The following PRIMA1 variants were observed in gnomAD, a reference collection of about 807,000 sequenced individuals.
PRIMA1 encodes the protein proline-rich membrane anchor 1.
PRIMA1 carries 7 observed loss-of-function variants against 17.5 expected under a neutral mutation model. That is an observed-to-expected ratio of 0.40 (90% confidence interval 0.23 to 0.75). PRIMA1 has a LOEUF of 0.75. Among genes scored for constraint, PRIMA1 ranks in the 30% least tolerant of loss-of-function variants. The pLI, the probability that PRIMA1 is intolerant of heterozygous loss-of-function variation, is 0.37. For synonymous variants in PRIMA1, 97 were observed against 77.9 expected (o/e 1.25, Z -1.29); for missense variants, 200 against 201.8 (o/e 0.99, Z 0.05).
At chr14:93,781,311 G>A (rs1044133515) in intron 2 of PRIMA1, among the ~76,000 whole-genome samples, 2 of 152,188 alleles carry the variant, frequency 1.3e-5, no homozygotes, top group Non-Finnish European at 2.9e-5. Context: ...CTTCTAGACC[G>A]GTGCCATTGT....
intron 4 of PRIMA1, among the ~76,000 whole-genome samples, chr14:93,725,632 C>T (rs1036389125): frequency 1.3e-5 from 2 of 152,176 alleles, no homozygotes; most frequent in Non-Finnish European, 2.9e-5. Flanking sequence ...GAAATGAGCA[C>T]AATAGTGGTG....
At chr14:93,749,331 G>A (rs1019269342) in intron 3 of PRIMA1, among the ~76,000 whole-genome samples, 3 of 152,158 alleles carry the variant, frequency 2.0e-5, no homozygotes, top group African/African-American at 7.2e-5. Flanking sequence ...TCATTCAGCT[G>A]CGAATCCACT....
intron 3 of PRIMA1, among the ~76,000 whole-genome samples, chr14:93,759,081 T>C (rs1418177482): frequency 6.6e-6 from 1 of 152,164 alleles, no homozygotes; most frequent in Non-Finnish European, 1.5e-5. Context: ...CTTTCCATGA[T>C]AGCAACGGGG....
intron 3 of PRIMA1, among the ~76,000 whole-genome samples, chr14:93,778,115 G>C (rs1043199223): frequency 2.0e-5 from 3 of 152,202 alleles, no homozygotes; most frequent in African/African-American, 7.2e-5. Flanking sequence ...ACTTGCATTT[G>C]AATCACCTCA....
At chr14:93,784,166 T>C (rs1410676524) in intron 2 of PRIMA1, among the ~76,000 whole-genome samples, 1 of 152,214 alleles carries the variant, frequency 6.6e-6, no homozygotes, top group African/African-American at 2.4e-5. Flanking sequence ...TCCCCAATAT[T>C]ATATGGGAAA....
intron 4 of PRIMA1, among the ~76,000 whole-genome samples, chr14:93,736,055 G>A (rs188986822): frequency 2.0e-3 from 307 of 152,276 alleles, no homozygotes; most frequent in African/African-American, 6.7e-3. Flanking sequence ...GGGCCTTTCT[G>A]TCTGTATGTC....
At chr14:93,729,711 G>A (rs1336008033) in intron 4 of PRIMA1, among the ~76,000 whole-genome samples, 2 of 152,248 alleles carry the variant, frequency 1.3e-5, no homozygotes, top group Non-Finnish European at 2.9e-5. Context: ...CACAGTAGGT[G>A]TGTCCTGCGG....
intron 4 of PRIMA1, among the ~76,000 whole-genome samples, chr14:93,734,701 C>G (rs2076138074): frequency 6.6e-6 from 1 of 151,932 alleles, no homozygotes; most frequent in Admixed American, 6.6e-5. Context: ...ACATAAGGAT[C>G]CCCGCCCATG....
In PRIMA1 at chr14:93,779,329, C is replaced by A; in HGVS notation, c.94-18G>T. 2 of 1,539,612 alleles carry A rather than the reference C, an allele frequency of 1.3e-6. No homozygotes were observed. Among genetic ancestry groups the A allele is most frequent in the Non-Finnish European group, 8.7e-7 (1 of 1,150,288 alleles). On this transcript the variant is annotated intron_variant, in intron 2 of 4. Transcript: ENST00000393140. ...TGCGTCACCTGTACACATGGGCACA[C>A]GTACCCAAGAGAGAGAGAAGACCAT...
At chr14:93,749,646 G>T (rs1166718174) in intron 3 of PRIMA1, among the ~76,000 whole-genome samples, 1 of 152,214 alleles carries the variant, frequency 6.6e-6, no homozygotes, top group Non-Finnish European at 1.5e-5. Flanking sequence ...TCGTGACCTT[G>T]GGAAGGGAGA....
At chr14:93,788,700 G>C (rs529406928), upstream of PRIMA1, among the ~76,000 whole-genome samples, 1,014 of 152,172 alleles carry the variant, frequency 6.7e-3, 4 homozygotes, top group Non-Finnish European at 0.01. Flanking sequence ...CGCACGGGGC[G>C]CAGGGCGCGG....
chr14:93,752,988 C>G (rs1362932019), intron 3 of PRIMA1, among the ~76,000 whole-genome samples: 4 of 152,162 alleles, frequency 2.6e-5, no homozygotes, highest in Non-Finnish European at 4.4e-5. Context: ...TGGCCTCTAC[C>G]CACTACATGC....
At chr14:93,750,040 G>C (rs1388741057) in intron 3 of PRIMA1, among the ~76,000 whole-genome samples, 1 of 152,200 alleles carries the variant, frequency 6.6e-6, no homozygotes, top group Non-Finnish European at 1.5e-5. Flanking sequence ...AAAGTAGCCA[G>C]GTATGGTGGC....
At chr14:93,737,849 T>C (rs1406914683) in intron 3 of PRIMA1, among the ~76,000 whole-genome samples, 1 of 151,748 alleles carries the variant, frequency 6.6e-6, no homozygotes, top group Non-Finnish European at 1.5e-5. Flanking sequence ...TCCCTCGGCA[T>C]GAGCTAACTG....
chr14:93,756,563 C>A (rs1430583911), intron 3 of PRIMA1, among the ~76,000 whole-genome samples: 2 of 151,998 alleles, frequency 1.3e-5, no homozygotes, highest in Non-Finnish European at 1.5e-5. Flanking sequence ...CCTATCGATG[C>A]TCTTCCCCAC....
In PRIMA1 at chr14:93,747,881, G is replaced by A. The variant is rs551892811; in HGVS notation, c.230-10511C>T. Among the ~76,000 whole-genome samples the A allele has an allele frequency of 1.3e-4, 19 of 148,174 alleles. No individual in the cohort carries two copies. In the South Asian group the frequency reaches 4.1e-3, roughly 32 times the overall value. On this transcript the variant is annotated intron_variant, in intron 3 of 4. Coordinates refer to ENST00000393140, the MANE Select transcript of PRIMA1 (RefSeq NM_178013.4). The stretch of plus-strand genomic sequence containing the variant: ...AGTGTGTGTGAGTGGGGACTGAGTG[G>A]GAGAGTGTGTGTATGAGTGTGTAAG...
chr14:93,748,006 A>G (rs1385884657), intron 3 of PRIMA1, among the ~76,000 whole-genome samples: 3 of 145,432 alleles, frequency 2.1e-5, no homozygotes, highest in African/African-American at 7.7e-5. Flanking sequence ...GAGAGTGTAT[A>G]TGAGTGTGTG....
chr14:93,777,907 G>T (rs1373050090), intron 3 of PRIMA1, among the ~76,000 whole-genome samples: 1 of 152,174 alleles, frequency 6.6e-6, no homozygotes, highest in Admixed American at 6.5e-5. Context: ...AATACAAACC[G>T]CTGGGAGACT....
chr14:93,763,736 T>C (rs1468779036), intron 3 of PRIMA1, among the ~76,000 whole-genome samples: 1 of 151,992 alleles, frequency 6.6e-6, no homozygotes, highest in African/African-American at 2.4e-5. Flanking sequence ...CCCAGCACAG[T>C]TTTTGGCTCT....
Sources: gnomAD v4.1 joint callset for allele counts (sites outside exome capture counted in the v4.1 genomes callset) on GRCh38, gnomAD v4.1.1 for gene constraint, MANE v1.5 for transcripts, NCBI Gene and HGNC (gene_info 2026-07-23, HGNC 2026-07-21) for gene names.